FCER1A: variants seen among roughly 807,000 people sequenced by gnomAD.
The protein encoded by FCER1A is high affinity immunoglobulin epsilon receptor subunit alpha.
FCER1A carries 24 observed loss-of-function variants against 23.6 expected under a neutral mutation model. The observed-to-expected ratio is 1.02, with a 90% CI of 0.74 to 1.43. The LOEUF (loss-of-function observed/expected upper bound fraction) is 1.43. FCER1A is among the 40% of genes most tolerant of loss of function. The probability of loss-of-function intolerance (pLI) is 0.00; values close to 1 mark genes in which losing one functional copy is unlikely to be tolerated. For missense variants in FCER1A, 318 were observed against 294.5 expected, an observed-to-expected ratio of 1.08 and a Z score of -0.58; for synonymous variants, 121 against 108.8, an observed-to-expected ratio of 1.11 and a Z score of -0.70.
chr1:159,302,529 C>T, intron 1 of FCER1A, 110 bp downstream of exon 1: 1 of 834,754 alleles, frequency 1.2e-6, no homozygotes, highest in Non-Finnish European at 2.1e-6. Context: ...CATGTGCAAA[C>T]TATTGGGCAT....
At chr1:159,302,974 C>G in intron 2 of FCER1A, 100 bp downstream of exon 2, 1 of 1,160,602 alleles carries the variant, frequency 8.6e-7, no homozygotes, top group South Asian at 1.2e-5. Flanking sequence ...TTCTAATGAG[C>G]ATGAATCTGT....
intron 3 of FCER1A, among the ~76,000 whole-genome samples, chr1:159,304,448 A>G (rs1189791325): frequency 6.6e-6 from 1 of 151,992 alleles, no homozygotes; most frequent in African/African-American, 2.4e-5. Flanking sequence ...AAAAATATAT[A>G]TATATAAAAT....
At chr1:159,302,974 C>T (rs12119226) in intron 2 of FCER1A, 100 bp downstream of exon 2, 127,569 of 1,159,964 alleles carry the variant, frequency 0.11, 11,636 homozygotes, top group East Asian at 0.52. Flanking sequence ...TTCTAATGAG[C>T]ATGAATCTGT....
Position 159,305,989 on chromosome 1 carries a change from C to T in FCER1A, c.333C>T (p.Asp111=), listed in dbSNP as rs536439527. ...SEPVYLEVFS[D]WLLLQASAEV... ...AATAATGTAATGAATGTTCTTCAGA[C>T]TGGCTGCTCCTTCAGGCCTCTGCTG... Residue 111 remains aspartate (D), a splice_region_variant and synonymous_variant, in exon 4 of 5, where the codon GAC becomes GAT. Coordinates refer to ENST00000693622, the MANE Select transcript of FCER1A (RefSeq NM_001387280.1). 1 of 1,612,936 alleles carries T rather than the reference C, an allele frequency of 6.2e-7. No homozygotes were observed. The highest frequency in any genetic ancestry group is 8.5e-7 in the Non-Finnish European group (1 of 1,179,388).
At chr1:159,292,365 A>C (rs12565775) in intron 1 of FCER1A, among the ~76,000 whole-genome samples, 25,159 of 151,996 alleles carry the variant, frequency 0.17, 2,950 homozygotes, top group East Asian at 0.54. Context: ...TCCCTTAAAT[A>C]TAGTACTTCC....
At chr1:159,302,440 C>G in intron 1 of FCER1A, 21 bp downstream of exon 1, 1 of 1,562,476 alleles carries the variant, frequency 6.4e-7, no homozygotes. Context: ...ATTCAATTAC[C>G]CCTCCCAGGG....
chr1:159,300,116 G>A (rs888539063), upstream of FCER1A, among the ~76,000 whole-genome samples: 2 of 152,098 alleles, frequency 1.3e-5, no homozygotes, highest in Non-Finnish European at 2.9e-5. Flanking sequence ...TTAAGCAAAA[G>A]CTTTAGAATG....
At chr1:159,286,085 G>A (rs958538106), upstream of FCER1A, among the ~76,000 whole-genome samples, 1 of 151,712 alleles carries the variant, frequency 6.6e-6, no homozygotes, top group South Asian at 2.1e-4. Context: ...AGCTACTCAG[G>A]AGGCTGAGGC....
rs1557970410 is a variant in FCER1A at position 159,306,078 on chromosome 1, AC to A, written c.423del (p.Tyr141Ter). ...CATGGTTGGAGGAACTGGGATGTGT[AC>A]AAGGTGATCTATTATAAGGATGGTG... The part of the protein sequence containing the change: ...RCHGWRNWDV[Y>X]KVIYYKDGEA... On this transcript the variant is annotated frameshift_variant, in exon 4 of 5. Transcript: ENST00000693622. LOFTEE classifies it high-confidence loss of function. 3 of 1,614,130 alleles carry A rather than the reference AC, an allele frequency of 1.9e-6. No homozygotes were observed. Among genetic ancestry groups the A allele is most frequent in the Non-Finnish European group, 2.5e-6 (3 of 1,179,996 alleles).
intron 1 of FCER1A, among the ~76,000 whole-genome samples, chr1:159,290,545 A>G (rs1652123120): frequency 6.6e-6 from 1 of 152,166 alleles, no homozygotes; most frequent in Admixed American, 6.6e-5. Context: ...GTGCTGGAGC[A>G]CCTTGTTGAA....
intron 1 of FCER1A, among the ~76,000 whole-genome samples, chr1:159,294,371 C>T (rs964630889): frequency 1.3e-5 from 2 of 152,160 alleles, no homozygotes; most frequent in African/African-American, 2.4e-5. Flanking sequence ...CTTTCAACTT[C>T]CCACTGCTTG....
intron 3 of FCER1A, among the ~76,000 whole-genome samples, chr1:159,305,502 TA>T (rs1235247514): frequency 6.9e-6 from 1 of 145,596 alleles, no homozygotes; most frequent in Admixed American, 6.9e-5. Context: ...AAGAGGACAT[TA>T]AATAAAGAAT....
upstream of FCER1A, among the ~76,000 whole-genome samples, chr1:159,298,643 A>C (rs1178131018): frequency 6.6e-6 from 1 of 152,218 alleles, no homozygotes; most frequent in African/African-American, 2.4e-5. Flanking sequence ...AAAAGAAAGT[A>C]AATGCAGCTG....
intron 2 of FCER1A, among the ~76,000 whole-genome samples, 197 bp from the exon 3 acceptor site, chr1:159,303,731 T>C (rs889159071): frequency 2.6e-5 from 4 of 152,222 alleles, no homozygotes; most frequent in African/African-American, 9.6e-5. Flanking sequence ...TTTCTCCCTG[T>C]GTTGGGCGTT....
upstream of FCER1A, among the ~76,000 whole-genome samples, chr1:159,287,403 A>G (rs1486441737): frequency 6.6e-6 from 1 of 152,198 alleles, no homozygotes; most frequent in Non-Finnish European, 1.5e-5. Flanking sequence ...CATACTTTAC[A>G]TATTCTCAAG....
At chr1:159,295,642 C>A (rs1652277903) in intron 1 of FCER1A, among the ~76,000 whole-genome samples, 2 of 152,124 alleles carry the variant, frequency 1.3e-5, no homozygotes, top group Admixed American at 1.3e-4. Context: ...TTTCTTGAAC[C>A]TCTATGATAA....
chr1:159,306,590 C>T (rs1396946152), intron 4 of FCER1A, among the ~76,000 whole-genome samples: 1 of 152,022 alleles, frequency 6.6e-6, no homozygotes, highest in Admixed American at 6.6e-5. Flanking sequence ...CCTGGGGGAA[C>T]ACTTATATTT....
chr1:159,306,522 C>A (rs1652621776), intron 4 of FCER1A, among the ~76,000 whole-genome samples: 1 of 152,040 alleles, frequency 6.6e-6, no homozygotes, highest in Non-Finnish European at 1.5e-5. Context: ...AACTGTTAAG[C>A]ACTACCCAAG....
chr1:159,294,448 C>T (rs1304667264), intron 1 of FCER1A, among the ~76,000 whole-genome samples: 2 of 152,152 alleles, frequency 1.3e-5, no homozygotes, highest in African/African-American at 4.8e-5. Flanking sequence ...ACTTAAAAGT[C>T]ATTTTTCATC....
Sources: allele counts gnomAD v4.1 joint callset (sites outside exome capture counted in the v4.1 genomes callset), GRCh38; gene constraint gnomAD v4.1.1; transcripts MANE v1.5; gene names NCBI Gene and HGNC (gene_info 2026-07-23, HGNC 2026-07-21).